Variants in GUCY2F observed in about 807,000 individuals in gnomAD.
The protein encoded by GUCY2F is guanylate cyclase 2F, retinal, also known as retinal guanylyl cyclase 2.
Under a neutral mutation model 73.1 loss-of-function variants are expected in GUCY2F, and 61 were observed. The observed-to-expected ratio is 0.83, with a 90% CI of 0.68 to 1.03. The LOEUF (loss-of-function observed/expected upper bound fraction) is 1.03, where lower values mean the gene tolerates loss of function less well. Ranked by LOEUF, GUCY2F falls within the 50% of genes least tolerant of loss-of-function variation. The pLI is 0.00. For missense variants in GUCY2F, 912 were observed against 854.3 expected (o/e 1.07, Z -0.84); for synonymous variants, 331 against 307.8 (o/e 1.08, Z -0.79).
rs7049406 is a variant in GUCY2F at position 109,451,520 on chromosome X, C to A, written c.1472+503G>T. Among the ~76,000 whole-genome samples the A allele has an allele frequency of 1.9e-4, 21 of 111,325 alleles. No homozygotes were observed. In the Admixed American group the frequency reaches 1.9e-3, roughly 10 times the overall value. On this transcript the variant is annotated intron_variant, in intron 5 of 19. Coordinates refer to ENST00000218006, the MANE Select transcript of GUCY2F (RefSeq NM_001522.3). ...TGAGCACCTACTATGAGTCACATAT[C>A]GTTCTAGGTGCTTTACTTATTTTAG...
At chrX:109,431,766 C>T (rs1360589427) in intron 7 of GUCY2F, among the ~76,000 whole-genome samples, 1 of 109,601 alleles carries the variant, frequency 9.1e-6, no homozygotes, top group Non-Finnish European at 1.9e-5. Flanking sequence ...GGCACTGCAT[C>T]TGGAAACCTG....
At chrX:109,389,497 C>T (rs998283464) in intron 14 of GUCY2F, among the ~76,000 whole-genome samples, 3 of 111,963 alleles carry the variant, frequency 2.7e-5, no homozygotes, top group Admixed American at 1.9e-4. Context: ...CAGAATACAA[C>T]AGTTAAGAAC....
intron 14 of GUCY2F, among the ~76,000 whole-genome samples, chrX:109,388,884 A>C (rs1235030750): frequency 1.8e-5 from 2 of 111,295 alleles, no homozygotes; most frequent in Admixed American, 9.5e-5. Context: ...TTCTGAAATA[A>C]GTGTAGCTAC....
chrX:109,382,182 A>G lies in GUCY2F; in HGVS notation c.3086T>C (p.Val1029Ala), dbSNP rs1263856314. Residue 1029 changes from valine (V) to alanine (A), a missense_variant, in exon 17 of 20, where the codon GTT becomes GCT. Transcript: ENST00000218006. ...CTCACTCAGATTTTGAAGAATTGTA[A>G]CAGTGCTGAGACTGACATGAATGCG... is the stretch of plus-strand genomic sequence containing the variant. ...PYRIHVSLST[V>A]TILQNLSEGY... 3.4e-6 allele frequency: 4 copies of G among 1,187,021 alleles called. No homozygotes were observed.
In GUCY2F at chrX:109,427,955, G is replaced by T. The variant is rs764388799; in HGVS notation, c.1791+2352C>A. On this transcript the variant is annotated intron_variant, in intron 8 of 19. Coordinates refer to ENST00000218006, the MANE Select transcript of GUCY2F (RefSeq NM_001522.3). Reference sequence around the variant, plus strand: ...ATGAATTTATGGTTTTAGATAGACAGATTGATTGATATGAATATTATAGAT... The same window carrying T: ...ATGAATTTATGGTTTTAGATAGACATATTGATTGATATGAATATTATAGAT... Among the ~76,000 whole-genome samples the T allele has an allele frequency of 4.5e-5, 5 of 112,146 alleles. No individual in the cohort carries two copies. In the East Asian group the frequency reaches 1.1e-3, roughly 25 times the overall value.
intron 3 of GUCY2F, among the ~76,000 whole-genome samples, chrX:109,461,396 T>A (rs767477441): frequency 6.2e-5 from 7 of 112,671 alleles, no homozygotes; most frequent in African/African-American, 2.2e-4. Flanking sequence ...TTTGTTCATT[T>A]CATTTTTTAC....
chrX:109,377,450 T>C (rs149406053), intron 17 of GUCY2F, among the ~76,000 whole-genome samples: 220 of 112,161 alleles, frequency 2.0e-3, no homozygotes, highest in African/African-American at 6.7e-3. Flanking sequence ...CTTAAGGAAC[T>C]CACAGTACAG....
At position 109,475,285 on chromosome X, in the gene GUCY2F, C is replaced by G; in HGVS notation, c.652G>C (p.Val218Leu). 1 of 1,209,484 alleles carries G rather than the reference C, an allele frequency of 8.3e-7. No individual in the cohort carries two copies. Among genetic ancestry groups the G allele is most frequent in the Non-Finnish European group, 1.1e-6 (1 of 893,464 alleles). Reference sequence around the variant, plus strand: ...CTGTCTTGTCCTGTGGTCAGGACGACCCCTACAGGTAAGCCGTGGCTCCGA... The same window carrying G: ...CTGTCTTGTCCTGTGGTCAGGACGAGCCCTACAGGTAAGCCGTGGCTCCGA... ...ALRSHGLPVG[V>L]VLTTGQDSQS... The change falls in exon 2 of 20, where the codon GTC (valine) becomes CTC (leucine). Residue 218 changes from valine (V) to leucine (L), a missense_variant. By Grantham distance (32) the Val-to-Leu change is conservative. Coordinates refer to ENST00000218006, the MANE Select transcript of GUCY2F (RefSeq NM_001522.3).
intron 1 of GUCY2F, among the ~76,000 whole-genome samples, chrX:109,476,574 G>T (rs1050351585): frequency 9.0e-6 from 1 of 110,983 alleles, no homozygotes; most frequent in African/African-American, 3.3e-5. Flanking sequence ...CAGATTTCAG[G>T]GGAGGAGAGA....
intron 8 of GUCY2F, among the ~76,000 whole-genome samples, chrX:109,420,231 A>G (rs866807647): frequency 3.8e-5 from 4 of 105,073 alleles, no homozygotes; most frequent in African/African-American, 6.9e-5. Context: ...AAAAAAAAAA[A>G]AAGAAGAAGA....
At chrX:109,477,431 C>T (rs1932720336) in intron 1 of GUCY2F, among the ~76,000 whole-genome samples, 1 of 111,670 alleles carries the variant, frequency 9.0e-6, no homozygotes, top group Non-Finnish European at 1.9e-5. Flanking sequence ...CAGTAGATAA[C>T]AGCACATACT....
chrX:109,399,018 C>T (rs909348723), intron 10 of GUCY2F, among the ~76,000 whole-genome samples: 2 of 111,931 alleles, frequency 1.8e-5, no homozygotes, highest in Non-Finnish European at 3.8e-5. Context: ...TGGCAGGTTT[C>T]CAGGGAAAGG....
At chrX:109,434,301 G>A (rs905323576) in intron 7 of GUCY2F, among the ~76,000 whole-genome samples, 10 of 110,586 alleles carry the variant, frequency 9.0e-5, no homozygotes, top group African/African-American at 3.3e-4. Context: ...GCCATTCACA[G>A]CTCTTTCTGC....
intron 8 of GUCY2F, among the ~76,000 whole-genome samples, chrX:109,410,449 T>C (rs944175849): frequency 2.7e-5 from 3 of 112,512 alleles, no homozygotes; most frequent in Non-Finnish European, 5.6e-5. Flanking sequence ...CCAGAGCTTA[T>C]ACAATTTTTT....
intron 7 of GUCY2F, among the ~76,000 whole-genome samples, chrX:109,435,479 T>C (rs1454544365): frequency 1.8e-5 from 2 of 110,426 alleles, no homozygotes; most frequent in East Asian, 2.8e-4. Flanking sequence ...ATTGATTTTG[T>C]ATCCTGAGAC....
chrX:109,475,895 C>G lies in GUCY2F; in HGVS notation c.42G>C (p.Trp14Cys). 2 of 1,208,943 alleles carry G rather than the reference C, an allele frequency of 1.7e-6. No individual in the cohort carries two copies. Among genetic ancestry groups the G allele is most frequent in the Non-Finnish European group, 2.2e-6 (2 of 894,460 alleles). The change falls in exon 2 of 20, where the codon TGG (tryptophan) becomes TGC (cysteine). Residue 14 changes from tryptophan to cysteine, a missense_variant. Coordinates refer to ENST00000218006, the MANE Select transcript of GUCY2F (RefSeq NM_001522.3). ...GLGRFSRLVL[W>C]FAAFRKLLGH... ...CCAGCAGTTTCCTGAAAGCCGCAAA[C>G]CAGAGAACAAGGCGAGAAAAGCGCC...
chrX:109,448,417 C>T (rs189924920), intron 5 of GUCY2F, among the ~76,000 whole-genome samples: 2 of 111,640 alleles, frequency 1.8e-5, no homozygotes, highest in East Asian at 2.8e-4. Context: ...AAGAGAGGTG[C>T]GAAGGCTCTG....
intron 8 of GUCY2F, among the ~76,000 whole-genome samples, chrX:109,424,156 A>G (rs112488764): frequency 0.014 from 1,521 of 112,241 alleles, 33 homozygotes; most frequent in African/African-American, 0.047. Flanking sequence ...ACTTCCTTTA[A>G]AGCCATAACT....
chrX:109,476,733 G>GATAA (rs201988819), intron 1 of GUCY2F, among the ~76,000 whole-genome samples: 4 of 102,173 alleles, frequency 3.9e-5, no homozygotes, highest in Non-Finnish European at 5.8e-5. Flanking sequence ...AAGATAGATA[G>GATAA]ATAGATAGAT....
Sources: gnomAD v4.1 joint callset for allele counts (sites outside exome capture counted in the v4.1 genomes callset) on GRCh38, gnomAD v4.1.1 for gene constraint, MANE v1.5 for transcripts, NCBI Gene and HGNC (gene_info 2026-07-23, HGNC 2026-07-21) for gene names.